SUN1: variants seen among roughly 807,000 people sequenced by gnomAD.
SUN1 encodes the protein Sad1 and UNC84 domain containing 1.
In SUN1, 61 loss-of-function variants were observed where a neutral mutation model predicts 103.2. That is an observed-to-expected ratio of 0.59 (90% CI 0.48 to 0.73). The LOEUF (loss-of-function observed/expected upper bound fraction) is 0.73. Ranked by LOEUF, SUN1 falls within the 30% of genes least tolerant of loss-of-function variation. The probability of loss-of-function intolerance (pLI) is 0.00; values close to 1 mark genes in which losing one functional copy is unlikely to be tolerated. For synonymous variants in SUN1, 490 were observed against 425.7 expected (o/e 1.15, Z -1.86); for missense variants, 1,052 against 1,034.6 (o/e 1.02, Z -0.23).
At chr7:869,293 C>T (rs1839746781) in intron 16 of SUN1, 56 bp from the exon 17 acceptor site, 1 of 1,557,990 alleles carries the variant, frequency 6.4e-7, no homozygotes, top group Non-Finnish European at 8.7e-7. Flanking sequence ...CTTCCTGCTG[C>T]TAAGTGGGTA....
chr7:856,859 T>A (rs1017101733), intron 12 of SUN1, among the ~76,000 whole-genome samples: 1 of 152,106 alleles, frequency 6.6e-6, no homozygotes, highest in African/African-American at 2.4e-5. Flanking sequence ...CAGTCCCTGG[T>A]GGACAGGACA....
At chr7:848,279 G>C (rs1341518840) in intron 5 of SUN1, 1 of 733,352 alleles carries the variant, frequency 1.4e-6, no homozygotes, top group African/African-American at 1.9e-5. Flanking sequence ...TCCACTGCCA[G>C]CTGGGCTCTT....
In SUN1 at chr7:853,452, A is replaced by G. The variant is rs369150199; in HGVS notation, c.1097A>G (p.Glu366Gly). ...AFPWHWMSGV[E>G]QQVASLSGQC... ...CCGTGGCATTGGATGAGTGGCGTGG[A>G]GCAGCAGGTGGCCTCTCTGTCTGGA... The change falls in exon 10 of 19, where the codon GAG becomes GGG. Residue 366 changes from glutamate to glycine, a missense_variant. Physicochemically the swap from Glu to Gly is moderately conservative, Grantham distance 98. Transcript: ENST00000401592. 2 of 1,613,866 alleles carry G rather than the reference A, an allele frequency of 1.2e-6. No individual in the cohort carries two copies. Among genetic ancestry groups the G allele is most frequent in the African/African-American group, 1.3e-5 (1 of 74,898 alleles).
At chr7:826,304 T>TCTGGGGTGGTTTGACAACCCC (rs1562500690) in intron 1 of SUN1, among the ~76,000 whole-genome samples, 155 of 14,088 alleles carry the variant, frequency 0.011, no homozygotes, top group African/African-American at 0.032. Context: ...TTGACAACCC[T>TCTGGGGTGGTTTGACAACCCC]GGTCTGGGGT....
In SUN1 at chr7:859,152, CAAAAAA is replaced by C. The variant is rs140482514; in HGVS notation, c.1525-965_1525-960del. Among the ~76,000 whole-genome samples, 7 of 88,704 alleles carry C rather than the reference CAAAAAA, an allele frequency of 7.9e-5. 1 individual carries two copies. Among genetic ancestry groups the C allele is most frequent in the South Asian group, 7.0e-4 (2 of 2,866 alleles). The allele number at this position is 88,704 out of a possible 152,430, so 58.2% of individuals were successfully genotyped here. On this transcript the variant is annotated intron_variant, in intron 13 of 18. Coordinates refer to ENST00000401592, the MANE Select transcript of SUN1 (RefSeq NM_001130965.3). ...TGGGTGACAGAGCAAGACTCCGTCTCAAAAAAAAAAAAAAAAGAAAAAGAAAAAGCA... is the reference window on the plus strand; with the variant it reads ...TGGGTGACAGAGCAAGACTCCGTCTCAAAAAAAAAAGAAAAAGAAAAAGCA...
At chr7:836,961 G>C (rs569664771) in intron 1 of SUN1, among the ~76,000 whole-genome samples, 10 of 152,342 alleles carry the variant, frequency 6.6e-5, no homozygotes, top group African/African-American at 2.4e-4. Flanking sequence ...GGATGGAGGG[G>C]GTCTGAGAAG....
intron 11 of SUN1, among the ~76,000 whole-genome samples, 189 bp downstream of exon 11, chr7:855,195 T>C (rs1213045633): frequency 1.3e-5 from 2 of 152,152 alleles, no homozygotes; most frequent in African/African-American, 2.4e-5. Flanking sequence ...GAATCGGGTG[T>C]GTAACTCACG....
At position 816,642 on chromosome 7, in the gene SUN1, C is replaced by T. The variant is rs770731644; in HGVS notation, c.-105C>T. ...AGCGTCTTCTCGGGCCTGGGCGGCG[C>T]AGACGAGGCCTGAGGCGGCGGCGCG... On this transcript the variant is annotated 5_prime_UTR_variant, in exon 1 of 18. Coordinates refer to the SUN1 transcript ENST00000389574. 213 of 320,566 alleles carry T rather than the reference C, an allele frequency of 6.6e-4. 2 individuals carry two copies. Among genetic ancestry groups the T allele is most frequent in the South Asian group, 4.6e-3 (209 of 45,028 alleles). The allele number at this position is 320,566 out of a possible 1,614,324, so 19.9% of individuals were successfully genotyped here. A position where few individuals can be genotyped will look rare whatever the true frequency, so the allele number is the denominator to read the frequency against.
chr7:871,635 A>G (rs1454075630), intron 17 of SUN1, among the ~76,000 whole-genome samples: 3 of 151,584 alleles, frequency 2.0e-5, no homozygotes, highest in Non-Finnish European at 4.4e-5. Context: ...TGATCCACCC[A>G]CCTCGGCCTC....
At chr7:834,421 C>T (rs984512416) in intron 1 of SUN1, among the ~76,000 whole-genome samples, 1 of 152,214 alleles carries the variant, frequency 6.6e-6, no homozygotes, top group Non-Finnish European at 1.5e-5. Flanking sequence ...TGAGTGGAGG[C>T]CCGTGGAGCA....
intron 17 of SUN1, among the ~76,000 whole-genome samples, chr7:869,802 C>CT (rs1840095993): frequency 1.3e-5 from 2 of 152,180 alleles, no homozygotes; most frequent in African/African-American, 4.8e-5. Flanking sequence ...GAAAGGTGTT[C>CT]TGGCAACTGG....
intron 15 of SUN1, among the ~76,000 whole-genome samples, chr7:863,066 C>T (rs1178304481): frequency 6.6e-6 from 1 of 152,158 alleles, no homozygotes; most frequent in Non-Finnish European, 1.5e-5. Context: ...GGCGTGAACC[C>T]GGGAGGTGGA....
chr7:846,707 C>T (rs1184734810), intron 5 of SUN1, among the ~76,000 whole-genome samples: 1 of 151,916 alleles, frequency 6.6e-6, no homozygotes, highest in Non-Finnish European at 1.5e-5. Flanking sequence ...AAGACCCCAT[C>T]TCTAAAAAAG....
chr7:847,957 C>T (rs1157815474), intron 5 of SUN1, among the ~76,000 whole-genome samples: 3 of 149,608 alleles, frequency 2.0e-5, no homozygotes, highest in Admixed American at 1.3e-4. Flanking sequence ...GGTTACCCCG[C>T]AGCGCCCTCT....
In SUN1 at chr7:855,250, A is replaced by C. The variant is rs75632936; in HGVS notation, c.1350+244A>C. Among the ~76,000 whole-genome samples the C allele has an allele frequency of 7.6e-3, 1,160 of 152,360 alleles. 51 individuals are homozygous for C. In the East Asian group the frequency reaches 0.14, roughly 18 times the overall value. On this transcript the variant is annotated intron_variant, in intron 11 of 18. Coordinates refer to ENST00000401592, the MANE Select transcript of SUN1 (RefSeq NM_001130965.3). ...GGCACAGAGCAGGGCTGCACACGCC[A>C]GGAGGTGGTTCTGCCGATTCCAGGC...
chr7:859,529 A>G (rs1562767360), intron 13 of SUN1, among the ~76,000 whole-genome samples: 1 of 152,156 alleles, frequency 6.6e-6, no homozygotes, highest in Non-Finnish European at 1.5e-5. Context: ...GCTACGTGCC[A>G]TTGTTAGGGG....
chr7:849,971 A>G, intron 5 of SUN1: 3 of 1,602,408 alleles, frequency 1.9e-6, no homozygotes, highest in Non-Finnish European at 1.7e-6. Flanking sequence ...ACAGCCGCCC[A>G]CTCGCAGTCG....
At chr7:849,769 C>T in intron 5 of SUN1, 1 of 1,097,302 alleles carries the variant, frequency 9.1e-7, no homozygotes, top group Non-Finnish European at 1.4e-6. Flanking sequence ...CACAGAAGCT[C>T]ATAGCCACCA....
chr7:843,290 A>G (rs1562624514), intron 4 of SUN1, 51 bp from the exon 5 acceptor site: 3 of 1,603,764 alleles, frequency 1.9e-6, no homozygotes, highest in Non-Finnish European at 2.5e-6. Flanking sequence ...TTTTAGTTAA[A>G]TATCTGCAGA....
Sources: allele counts gnomAD v4.1 joint callset (sites outside exome capture counted in the v4.1 genomes callset), GRCh38; gene constraint gnomAD v4.1.1; transcripts MANE v1.5; gene names NCBI Gene and HGNC (gene_info 2026-07-23, HGNC 2026-07-21).